DPP6: variants seen among roughly 807,000 people sequenced by gnomAD.
DPP6 encodes the protein dipeptidyl peptidase like 6, also known as A-type potassium channel modulatory protein DPP6.
In DPP6, 69 loss-of-function variants were observed where a neutral mutation model predicts 122.6. The observed-to-expected ratio is 0.56, with a 90% CI of 0.46 to 0.69. The LOEUF (loss-of-function observed/expected upper bound fraction) is 0.69. Ranked by LOEUF, DPP6 falls within the 30% of genes least tolerant of loss-of-function variation. The pLI, the probability that DPP6 is intolerant of heterozygous loss-of-function variation, is 0.00. For synonymous variants in DPP6, 418 were observed against 433.1 expected (o/e 0.97, Z 0.43); for missense variants, 928 against 1,116.9 (o/e 0.83, Z 2.41).
chr7:154,851,489 T>C lies in DPP6; in HGVS notation c.1667-2291T>C, dbSNP rs567236751. ...CTTTATTTTTCAATAACTGATTCTT[T>C]CTTCTACTTGAGCTCCCCATGGGGG... On this transcript the variant is annotated intron_variant, in intron 16 of 25. Transcript: ENST00000377770. Among the ~76,000 whole-genome samples, 8 of 152,348 alleles carry C rather than the reference T, an allele frequency of 5.3e-5. No homozygotes were observed. In the South Asian group the frequency reaches 1.7e-3, roughly 32 times the overall value.
At chr7:154,438,242 T>C (rs201739822) in intron 1 of DPP6, among the ~76,000 whole-genome samples, 31 of 150,800 alleles carry the variant, frequency 2.1e-4, no homozygotes, top group East Asian at 1.8e-3. Flanking sequence ...CCAAGGAGGG[T>C]GGATCACAAG....
intron 7 of DPP6, among the ~76,000 whole-genome samples, chr7:154,691,899 A>C (rs1432994217): frequency 1.3e-5 from 2 of 152,228 alleles, no homozygotes; most frequent in African/African-American, 2.4e-5. Flanking sequence ...GTACTCACAA[A>C]GGTGGTTAGT....
intron 1 of DPP6, among the ~76,000 whole-genome samples, chr7:154,344,726 A>C (rs2151067941): frequency 6.6e-6 from 1 of 152,156 alleles, no homozygotes; most frequent in Middle Eastern, 3.4e-3. Flanking sequence ...ATCTCTACTA[A>C]AAATACAAAA....
At chr7:154,297,128 GA>G (rs1294599283) in intron 1 of DPP6, among the ~76,000 whole-genome samples, 1 of 137,774 alleles carries the variant, frequency 7.3e-6, no homozygotes, top group Non-Finnish European at 1.5e-5. Context: ...AATATCAGAA[GA>G]TTTTTTTTTT....
intron 1 of DPP6, among the ~76,000 whole-genome samples, chr7:154,437,809 G>A (rs945789789): frequency 8.5e-5 from 13 of 152,188 alleles, no homozygotes; most frequent in East Asian, 3.9e-4. Flanking sequence ...GGTGGTGGAC[G>A]CCTGTAATCC....
At position 154,394,189 on chromosome 7, in the gene DPP6, G is replaced by A. The variant is rs937895033; in HGVS notation, c.244-52025G>A. On this transcript the variant is annotated intron_variant, in intron 1 of 25. Coordinates refer to ENST00000377770, the MANE Select transcript of DPP6 (RefSeq NM_130797.4). Reference sequence around the variant, plus strand: ...TACTGTTTGCCACAGCATCTCTATCGTTTTACACTCTCACCAACAGTGCAC... The same window carrying A: ...TACTGTTTGCCACAGCATCTCTATCATTTTACACTCTCACCAACAGTGCAC... Among the ~76,000 whole-genome samples the A allele has an allele frequency of 5.3e-5, 8 of 152,040 alleles. No individual in the cohort carries two copies. The East Asian group carries it at 7.7e-4, about 15-fold the overall frequency.
intron 3 of DPP6, among the ~76,000 whole-genome samples, chr7:154,513,011 A>G (rs957534055): frequency 3.3e-5 from 5 of 152,154 alleles, no homozygotes; most frequent in Non-Finnish European, 7.3e-5. Flanking sequence ...TAAAAATACA[A>G]TCTATTCTAT....
chr7:153,884,987 A>AATACATACATACATATATAT (rs1209555021), upstream of DPP6, among the ~76,000 whole-genome samples: 6 of 116,466 alleles, frequency 5.2e-5, no homozygotes, highest in East Asian at 1.7e-3. Flanking sequence ...TCAAAACAAA[A>AATACATACATACATATATAT]ATATATATAT....
At chr7:153,952,917 A>G (rs4726354) in intron 1 of DPP6, among the ~76,000 whole-genome samples, 56,282 of 152,134 alleles carry the variant, frequency 0.37, 11,148 homozygotes, top group Admixed American at 0.5. Flanking sequence ...AGAAAGCTCT[A>G]AATCTTTGCA....
intron 2 of DPP6, among the ~76,000 whole-genome samples, chr7:154,463,098 G>C (rs1460059752): frequency 6.6e-6 from 1 of 151,406 alleles, no homozygotes; most frequent in African/African-American, 2.4e-5. Flanking sequence ...GCCTAGAATT[G>C]GGGACCCCAA....
At chr7:154,442,139 T>C (rs1436748508) in intron 1 of DPP6, among the ~76,000 whole-genome samples, 1 of 152,190 alleles carries the variant, frequency 6.6e-6, no homozygotes, top group Non-Finnish European at 1.5e-5. Context: ...TAAAGGCATT[T>C]ATCCATCCAT....
the DPP6 span, among the ~76,000 whole-genome samples, chr7:153,843,782 A>G: frequency 6.6e-6 from 1 of 152,202 alleles, no homozygotes; most frequent in Non-Finnish European, 1.5e-5. Flanking sequence ...TCCATAACCT[A>G]TGATTAGCAA....
rs67070352 is a variant in DPP6, at chr7:154,117,930, A to G, written c.243+64867A>G. ...CATGAGACTGAGGACTGAAACACAA[A>G]GTTAACACAGATCTCCCGAACAGTC... is the stretch of plus-strand genomic sequence containing the variant. On this transcript the variant is annotated intron_variant, in intron 1 of 25. Coordinates refer to ENST00000377770, the MANE Select transcript of DPP6 (RefSeq NM_130797.4). Among the ~76,000 whole-genome samples the G allele has an allele frequency of 7.5e-3, 1,047 of 140,216 alleles. 6 individuals carry two copies. The highest frequency in any genetic ancestry group is 0.026 in the African/African-American group (931 of 36,094). 92.0% of individuals were successfully genotyped at this position (140,216 alleles called of 152,430 possible). A position where few individuals can be genotyped will look rare whatever the true frequency, so the allele number is the denominator to read the frequency against.
rs369011108 is a variant in DPP6, at chr7:154,871,059, G to A, written c.1814-1565G>A. Among the ~76,000 whole-genome samples, 448 of 151,732 alleles carry A rather than the reference G, an allele frequency of 3.0e-3. 2 individuals carry two copies. Among genetic ancestry groups the A allele is most frequent in the African/African-American group, 0.011 (434 of 41,332 alleles). On this transcript the variant is annotated intron_variant, in intron 18 of 25. Coordinates refer to ENST00000377770, the MANE Select transcript of DPP6 (RefSeq NM_130797.4). ...TCTGAAGCTCCTCTGTTCTCAGCTC[G>A]AGGCTCCTCCGCAGCCTTGGCGGCC...
At chr7:153,789,552 C>A in the DPP6 span, among the ~76,000 whole-genome samples, 1 of 152,064 alleles carries the variant, frequency 6.6e-6, no homozygotes, top group Non-Finnish European at 1.5e-5. Context: ...GCAAGAAGCA[C>A]TTGCATATAA....
At chr7:154,779,298 TCACCACCACCCCCACCATCGCCTC>T (rs1460662995) in intron 10 of DPP6, among the ~76,000 whole-genome samples, 1 of 56,344 alleles carries the variant, frequency 1.8e-5, no homozygotes, top group Non-Finnish European at 4.5e-5. Flanking sequence ...CCCACTACTA[TCACCACCACCCCCACCATCGCCTC>T]CACCACCACC....
chr7:154,033,478 G>C (rs1799362073), intron 1 of DPP6, among the ~76,000 whole-genome samples: 1 of 152,084 alleles, frequency 6.6e-6, no homozygotes, highest in South Asian at 2.1e-4. Flanking sequence ...TTTAAATTCA[G>C]TGTAAGAAGG....
chr7:154,736,380 C>T (rs1326270069), intron 8 of DPP6, among the ~76,000 whole-genome samples: 1 of 152,206 alleles, frequency 6.6e-6, no homozygotes, highest in Non-Finnish European at 1.5e-5. Flanking sequence ...CAGCCATACA[C>T]CATAAGCATG....
At chr7:154,517,723 G>A (rs1586517788) in intron 3 of DPP6, among the ~76,000 whole-genome samples, 2 of 152,146 alleles carry the variant, frequency 1.3e-5, no homozygotes, top group East Asian at 1.9e-4. Flanking sequence ...ACACAGCAGC[G>A]CTCTCATGGA....
Sources: allele counts gnomAD v4.1 joint callset (sites outside exome capture counted in the v4.1 genomes callset), GRCh38; gene constraint gnomAD v4.1.1; transcripts MANE v1.5; gene names NCBI Gene and HGNC (gene_info 2026-07-23, HGNC 2026-07-21).